Variants in GPM6A observed in about 807,000 individuals in gnomAD.
GPM6A encodes the protein neuronal membrane glycoprotein M6-a.
Under a neutral mutation model 32.1 loss-of-function variants are expected in GPM6A, and 7 were observed. The observed-to-expected ratio is 0.22, with a 90% CI of 0.12 to 0.41. The LOEUF (loss-of-function observed/expected upper bound fraction) is 0.41, where lower values mean the gene tolerates loss of function less well. Ranked by LOEUF, GPM6A falls within the 10% of genes least tolerant of loss-of-function variation. The probability of loss-of-function intolerance (pLI) is 1.00; values close to 1 mark genes in which losing one functional copy is unlikely to be tolerated. For synonymous variants in GPM6A, 130 were observed against 123.4 expected, an observed-to-expected ratio of 1.05 and a Z score of -0.35; for missense variants, 235 against 347.2, an observed-to-expected ratio of 0.68 and a Z score of 2.57.
intron 1 of GPM6A, among the ~76,000 whole-genome samples, chr4:175,731,637 A>G (rs1731438609): frequency 6.6e-6 from 1 of 152,204 alleles, no homozygotes; most frequent in South Asian, 2.1e-4. Context: ...ATTGTTCATT[A>G]TTACAACTTA....
intron 6 of GPM6A, among the ~76,000 whole-genome samples, chr4:175,635,475 T>A (rs1740524949): frequency 1.3e-5 from 2 of 152,156 alleles, no homozygotes; most frequent in African/African-American, 4.8e-5. Flanking sequence ...GGAGGTTCTA[T>A]TACCCCAATT....
intron 1 of GPM6A, among the ~76,000 whole-genome samples, chr4:175,958,936 T>C (rs1740077465): frequency 6.6e-6 from 1 of 152,156 alleles, no homozygotes; most frequent in South Asian, 2.1e-4. Flanking sequence ...CCTGCAAATG[T>C]AAAAAATGAA....
chr4:175,914,415 G>A (rs529733926), intron 1 of GPM6A, among the ~76,000 whole-genome samples: 8 of 151,768 alleles, frequency 5.3e-5, no homozygotes, highest in South Asian at 2.1e-4. Flanking sequence ...TCTGCCTCCC[G>A]GGTTCAAGTG....
intron 1 of GPM6A, among the ~76,000 whole-genome samples, chr4:175,859,735 C>G (rs983792190): frequency 2.6e-5 from 4 of 152,068 alleles, no homozygotes; most frequent in African/African-American, 7.2e-5. Flanking sequence ...AGATGAAGTG[C>G]CCTGGGGTTT....
At chr4:175,976,579 C>T (rs536528638) in intron 1 of GPM6A, among the ~76,000 whole-genome samples, 58 of 152,226 alleles carry the variant, frequency 3.8e-4, no homozygotes, top group African/African-American at 1.3e-3. Context: ...TCAGAACCAA[C>T]GGTAGGGACC....
intron 4 of GPM6A, among the ~76,000 whole-genome samples, chr4:175,646,526 G>T (rs980758248): frequency 1.3e-5 from 2 of 152,134 alleles, no homozygotes; most frequent in African/African-American, 4.8e-5. Context: ...CATGATGTAA[G>T]TGTCAAACTT....
At chr4:175,760,067 C>A (rs1282297443) in intron 1 of GPM6A, among the ~76,000 whole-genome samples, 2 of 152,016 alleles carry the variant, frequency 1.3e-5, no homozygotes, top group Non-Finnish European at 2.9e-5. Context: ...GTAATCACGG[C>A]TACTCTGGAG....
At chr4:175,887,170 CCAAT>C (rs1478600950) in intron 1 of GPM6A, among the ~76,000 whole-genome samples, 2 of 151,736 alleles carry the variant, frequency 1.3e-5, no homozygotes, top group African/African-American at 4.8e-5. Flanking sequence ...TTTATAAACA[CCAAT>C]CAATTATCAA....
At chr4:175,794,811 A>T (rs1734153733) in intron 1 of GPM6A, among the ~76,000 whole-genome samples, 1 of 147,182 alleles carries the variant, frequency 6.8e-6, no homozygotes, top group African/African-American at 2.5e-5. Context: ...AAGATTGGGT[A>T]GTAGGCCTAG....
At chr4:175,636,321 G>A (rs1740610392) in intron 6 of GPM6A, among the ~76,000 whole-genome samples, 1 of 131,886 alleles carries the variant, frequency 7.6e-6, no homozygotes, top group African/African-American at 2.8e-5. Context: ...GATTAAATAA[G>A]GCTTATACAC....
chr4:175,995,550 G>T (rs927523817), intron 1 of GPM6A, among the ~76,000 whole-genome samples: 1 of 152,022 alleles, frequency 6.6e-6, no homozygotes. Flanking sequence ...AGTTTTTCTC[G>T]TTGCATGCCC....
At chr4:175,912,458 C>A (rs999288531) in intron 1 of GPM6A, among the ~76,000 whole-genome samples, 3 of 152,030 alleles carry the variant, frequency 2.0e-5, no homozygotes, top group Non-Finnish European at 2.9e-5. Context: ...AGTTCGAGAC[C>A]AGCCAGGCCA....
intron 1 of GPM6A, among the ~76,000 whole-genome samples, chr4:175,996,794 A>C (rs1319951253): frequency 6.6e-6 from 1 of 152,186 alleles, no homozygotes; most frequent in Non-Finnish European, 1.5e-5. Flanking sequence ...AATGTGAAGC[A>C]CACTTAACAA....
intron 1 of GPM6A, among the ~76,000 whole-genome samples, chr4:175,723,883 C>T (rs1470654706): frequency 6.6e-6 from 1 of 152,012 alleles, no homozygotes; most frequent in East Asian, 1.9e-4. Context: ...ATATATTATA[C>T]TTGTCATTTG....
At chr4:176,000,254 T>A (rs1403557864) in intron 1 of GPM6A, among the ~76,000 whole-genome samples, 1 of 152,186 alleles carries the variant, frequency 6.6e-6, no homozygotes, top group East Asian at 1.9e-4. Context: ...AGGAAAAATG[T>A]TATCCACTTC....
At chr4:175,861,314 TAAA>T (rs1736565948) in intron 1 of GPM6A, among the ~76,000 whole-genome samples, 1 of 150,412 alleles carries the variant, frequency 6.6e-6, no homozygotes, top group African/African-American at 2.4e-5. Context: ...AAAGGATAAA[TAAA>T]AAGGATAAAA....
intron 1 of GPM6A, among the ~76,000 whole-genome samples, chr4:175,876,453 A>C (rs373071149): frequency 6.6e-6 from 1 of 152,134 alleles, no homozygotes; most frequent in Non-Finnish European, 1.5e-5. Flanking sequence ...TTTGTCCTCA[A>C]TTTCTGGAGA....
At chr4:175,864,964 T>C (rs2111427456) in intron 1 of GPM6A, among the ~76,000 whole-genome samples, 1 of 151,918 alleles carries the variant, frequency 6.6e-6, no homozygotes, top group African/African-American at 2.4e-5. Context: ...GGCACACCAC[T>C]ACCACCGGGC....
intron 1 of GPM6A, among the ~76,000 whole-genome samples, chr4:175,756,046 G>T (rs1253800081): frequency 6.6e-6 from 1 of 152,122 alleles, no homozygotes; most frequent in Non-Finnish European, 1.5e-5. Flanking sequence ...AGATTTCAAG[G>T]CTGATCATAT....
Sources: gnomAD v4.1 joint callset for allele counts (sites outside exome capture counted in the v4.1 genomes callset) on GRCh38, gnomAD v4.1.1 for gene constraint, MANE v1.5 for transcripts, NCBI Gene and HGNC (gene_info 2026-07-23, HGNC 2026-07-21) for gene names.